The following BACH2 variants were observed in gnomAD, a reference collection of about 807,000 sequenced individuals.
BACH2 encodes BACH transcriptional regulator 2.
Under a neutral mutation model 61.8 loss-of-function variants are expected in BACH2, and 5 were observed. The observed-to-expected ratio is 0.08, with a 90% CI of 0.04 to 0.17. The LOEUF is 0.17. BACH2 is among the 10% of genes least tolerant of loss of function. The pLI is 1.00. For synonymous variants in BACH2, 446 were observed against 440.1 expected (o/e 1.01, Z -0.17); for missense variants, 824 against 1,091.1 (o/e 0.76, Z 3.45).
intron 4 of BACH2, among the ~76,000 whole-genome samples, chr6:90,151,172 C>T (rs888484610): frequency 2.0e-5 from 3 of 152,222 alleles, no homozygotes; most frequent in Admixed American, 1.3e-4. Context: ...CACACCATGG[C>T]TACAGAAATC....
intron 4 of BACH2, among the ~76,000 whole-genome samples, chr6:90,153,519 TA>T (rs747866458): frequency 8.6e-4 from 131 of 152,270 alleles, no homozygotes; most frequent in Non-Finnish European, 1.7e-3. Context: ...AATCTATATA[TA>T]AATAAGAGTT....
chr6:90,022,114 T>C (rs1778405873), intron 5 of BACH2, among the ~76,000 whole-genome samples: 1 of 152,232 alleles, frequency 6.6e-6, no homozygotes, highest in African/African-American at 2.4e-5. Flanking sequence ...CTGAAAAATA[T>C]ACCAAAAACT....
chr6:90,045,896 C>T (rs371454648), intron 5 of BACH2, among the ~76,000 whole-genome samples: 5 of 152,334 alleles, frequency 3.3e-5, no homozygotes, highest in East Asian at 3.9e-4. Context: ...AAGGTGCCAG[C>T]TTCCATGGAC....
chr6:90,175,992 T>C (rs1767972452), intron 4 of BACH2, among the ~76,000 whole-genome samples: 1 of 152,160 alleles, frequency 6.6e-6, no homozygotes, highest in African/African-American at 2.4e-5. Flanking sequence ...CTGCCTTGCC[T>C]TTCCCTTGGA....
intron 4 of BACH2, among the ~76,000 whole-genome samples, chr6:90,159,839 T>G (rs1785128622): frequency 6.6e-6 from 1 of 152,188 alleles, no homozygotes; most frequent in Admixed American, 6.5e-5. Flanking sequence ...CCTTTTGAAT[T>G]TTATCAAATT....
At chr6:89,996,897 C>T (rs748975174) in intron 6 of BACH2, among the ~76,000 whole-genome samples, 6 of 151,990 alleles carry the variant, frequency 3.9e-5, no homozygotes, top group Non-Finnish European at 8.8e-5. Context: ...AGTTAATCCC[C>T]CAAAGAAATG....
chr6:90,045,240 G>T (rs187717814), intron 5 of BACH2, among the ~76,000 whole-genome samples: 4 of 152,274 alleles, frequency 2.6e-5, no homozygotes, highest in Admixed American at 2.6e-4. Flanking sequence ...CTAAATTATT[G>T]AGGACAAAGC....
Position 90,180,332 on chromosome 6 carries a change from T to C in BACH2, c.-162+26237A>G, listed in dbSNP as rs561038017. Among the ~76,000 whole-genome samples, 5 of 152,340 alleles carry C rather than the reference T, an allele frequency of 3.3e-5. No homozygotes were observed. In the South Asian group the frequency reaches 1.0e-3, roughly 32 times the overall value. ...AAATGTTTAAATGTTTCTAAGTTTA[T>C]AGCAATTATACCTCTAAAATTATGA... On this transcript the variant is annotated intron_variant, in intron 4 of 8. Coordinates refer to ENST00000257749, the MANE Select transcript of BACH2 (RefSeq NM_021813.4).
At chr6:90,091,007 C>T in intron 4 of BACH2, among the ~76,000 whole-genome samples, 1 of 152,146 alleles carries the variant, frequency 6.6e-6, no homozygotes, top group Admixed American at 6.6e-5. Context: ...TATGTATTAT[C>T]TCATTTAACG....
chr6:90,100,728 G>GACACACACAGACACAC, intron 4 of BACH2, among the ~76,000 whole-genome samples: 1 of 142,370 alleles, frequency 7.0e-6, no homozygotes, highest in African/African-American at 2.6e-5. Flanking sequence ...CACACACACA[G>GACACACACAGACACAC]ACACACACAC....
chr6:90,248,331 C>T (rs1770701895), intron 3 of BACH2, among the ~76,000 whole-genome samples: 1 of 151,890 alleles, frequency 6.6e-6, no homozygotes, highest in African/African-American at 2.4e-5. Flanking sequence ...AATTATTATT[C>T]AATAACTCTT....
intron 3 of BACH2, among the ~76,000 whole-genome samples, chr6:90,232,676 C>G (rs1006278810): frequency 6.6e-6 from 1 of 152,156 alleles, no homozygotes; most frequent in African/African-American, 2.4e-5. Context: ...CTAATGCTAG[C>G]CAATACCTGT....
intron 4 of BACH2, among the ~76,000 whole-genome samples, chr6:90,141,612 A>G (rs1443324980): frequency 6.6e-6 from 1 of 152,136 alleles, no homozygotes; most frequent in Non-Finnish European, 1.5e-5. Context: ...CAAAACAACA[A>G]TAACAAAGAC....
chr6:90,103,863 T>C (rs1430793248), intron 4 of BACH2, among the ~76,000 whole-genome samples: 1 of 152,240 alleles, frequency 6.6e-6, no homozygotes, highest in African/African-American at 2.4e-5. Context: ...ACTGGATATT[T>C]TGATTGTTCT....
intron 4 of BACH2, among the ~76,000 whole-genome samples, chr6:90,165,443 G>T (rs968123815): frequency 6.6e-6 from 1 of 152,134 alleles, no homozygotes; most frequent in African/African-American, 2.4e-5. Flanking sequence ...CCATGCTCAT[G>T]GGTAGGAAGA....
chr6:90,125,240 C>T (rs1257036061), intron 4 of BACH2, among the ~76,000 whole-genome samples: 1 of 152,150 alleles, frequency 6.6e-6, no homozygotes, highest in African/African-American at 2.4e-5. Context: ...TTTATAGACA[C>T]CAGTTACAGC....
intron 6 of BACH2, among the ~76,000 whole-genome samples, chr6:89,999,823 C>CAG (rs1374297211): frequency 2.6e-5 from 4 of 152,176 alleles, no homozygotes; most frequent in African/African-American, 9.7e-5. Flanking sequence ...AGTTTACTTT[C>CAG]AGAGGCCTTG....
At position 90,080,503 on chromosome 6, in the gene BACH2, T is replaced by A. The variant is rs1418331634; in HGVS notation, c.-13+8458A>T. Among the ~76,000 whole-genome samples the A allele has an allele frequency of 2.0e-5, 3 of 152,128 alleles. No individual in the cohort carries two copies. In the East Asian group the frequency reaches 5.8e-4, roughly 29 times the overall value. ...CGGCAAATAATAAAAACAAAATTGA[T>A]GAAGAGGATATTTGCCAGGGGCACA... On this transcript the variant is annotated intron_variant, in intron 5 of 8. Coordinates refer to ENST00000257749, the MANE Select transcript of BACH2 (RefSeq NM_021813.4).
intron 5 of BACH2, among the ~76,000 whole-genome samples, chr6:90,079,464 C>T (rs576449521): frequency 1.3e-5 from 2 of 152,296 alleles, no homozygotes; most frequent in Admixed American, 6.5e-5. Context: ...AAGGGTTTCA[C>T]GCTTCTTTCT....
Sources: allele counts gnomAD v4.1 joint callset (sites outside exome capture counted in the v4.1 genomes callset), GRCh38; gene constraint gnomAD v4.1.1; transcripts MANE v1.5; gene names NCBI Gene and HGNC (gene_info 2026-07-23, HGNC 2026-07-21).